Variants in FBXO40 observed in about 807,000 individuals in gnomAD.
FBXO40 encodes the protein F-box protein 40.
Under a neutral mutation model 49.9 loss-of-function variants are expected in FBXO40, and 50 were observed. The ratio of observed to expected loss-of-function variants is 1.00; its 90% CI spans 0.80 to 1.27. The LOEUF is 1.27. FBXO40 is among the 50% of genes most tolerant of loss of function. The pLI, the probability that FBXO40 is intolerant of heterozygous loss-of-function variation, is 0.00. For synonymous variants in FBXO40, 340 were observed against 320.2 expected (o/e 1.06, Z -0.66); for missense variants, 895 against 870.1 (o/e 1.03, Z -0.36).
At chr3:121,608,791 G>C (rs547589264) in intron 1 of FBXO40, among the ~76,000 whole-genome samples, 156 of 152,296 alleles carry the variant, frequency 1.0e-3, no homozygotes, top group Middle Eastern at 3.4e-3. Flanking sequence ...TGGTCGAGTT[G>C]CTTAGAAAAA....
At chr3:121,613,055 G>A (rs185429447) in intron 1 of FBXO40, among the ~76,000 whole-genome samples, 92 of 142,116 alleles carry the variant, frequency 6.5e-4, no homozygotes, top group African/African-American at 2.4e-3. Flanking sequence ...GGGCGACAGA[G>A]CAAGACTCCG....
intron 1 of FBXO40, among the ~76,000 whole-genome samples, chr3:121,618,037 T>A (rs972323556): frequency 9.9e-5 from 15 of 152,114 alleles, no homozygotes; most frequent in Admixed American, 9.2e-4. Flanking sequence ...GTTCCCAACA[T>A]AAAGAAAAGT....
At chr3:121,594,488 G>T (rs959561944) in intron 1 of FBXO40, among the ~76,000 whole-genome samples, 1 of 152,086 alleles carries the variant, frequency 6.6e-6, no homozygotes, top group African/African-American at 2.4e-5. Context: ...AGCATGAGCC[G>T]CTGTGCCTGA....
rs2108850913 is a variant in FBXO40 at position 121,621,467 on chromosome 3, G to T, written c.38G>T (p.Arg13Met). ...CGCAGATCCCCGCCAGGGCACCACA[G>T]GCATTGTGAGGGATGCTTCAACCGC... ...KARRSPPGHH[R>M]HCEGCFNRHC... The change falls in exon 3 of 4, where the codon AGG (arginine) becomes ATG (methionine). Residue 13 changes from arginine (R) to methionine (M), a missense_variant. Coordinates refer to ENST00000338040, the MANE Select transcript of FBXO40 (RefSeq NM_016298.4). 2 of 1,614,126 alleles carry T rather than the reference G, an allele frequency of 1.2e-6. No individual in the cohort carries two copies. The highest frequency in any genetic ancestry group is 2.2e-5 in the East Asian group (1 of 44,882).
intron 1 of FBXO40, among the ~76,000 whole-genome samples, chr3:121,611,245 C>T (rs867215932): frequency 2.6e-5 from 4 of 152,256 alleles, no homozygotes; most frequent in Admixed American, 6.5e-5. Context: ...ATACCAAGGA[C>T]CTGCACCGGC....
chr3:121,608,190 G>T (rs1168966914), intron 1 of FBXO40, among the ~76,000 whole-genome samples: 1 of 152,222 alleles, frequency 6.6e-6, no homozygotes, highest in Non-Finnish European at 1.5e-5. Context: ...GCTCTGCAAT[G>T]AATTACAGCC....
intron 1 of FBXO40, among the ~76,000 whole-genome samples, chr3:121,607,212 C>A (rs2048936072): frequency 6.8e-6 from 1 of 146,982 alleles, no homozygotes; most frequent in Admixed American, 6.8e-5. Flanking sequence ...TTGCAGTGAG[C>A]CGAGATTATG....
At chr3:121,598,152 C>A (rs2048882148) in intron 1 of FBXO40, among the ~76,000 whole-genome samples, 1 of 152,088 alleles carries the variant, frequency 6.6e-6, no homozygotes. Context: ...AAATACAGAA[C>A]AAGAGGAGAA....
chr3:121,595,212 TG>T (rs1422323143), intron 1 of FBXO40, among the ~76,000 whole-genome samples: 12 of 152,258 alleles, frequency 7.9e-5, no homozygotes, highest in African/African-American at 1.2e-4. Flanking sequence ...TATAGGTGTC[TG>T]GGTTATCATT....
intron 1 of FBXO40, among the ~76,000 whole-genome samples, chr3:121,607,221 T>C (rs1480667268): frequency 7.8e-5 from 11 of 140,974 alleles, no homozygotes; most frequent in Non-Finnish European, 1.5e-4. Flanking sequence ...GCCGAGATTA[T>C]GCCATTGCAC....
chr3:121,601,307 G>T (rs1001212427), intron 1 of FBXO40, among the ~76,000 whole-genome samples: 2 of 152,036 alleles, frequency 1.3e-5, no homozygotes, highest in South Asian at 4.2e-4. Flanking sequence ...CTCTGGAGTG[G>T]TCTCCACTCA....
rs745747480 is a variant in FBXO40, at chr3:121,627,121, T to A, written c.*211T>A. ...GTACCATAGTGCCACATTGATGACT[T>A]GTTTCCTTTTTTCTTTTCTTTTCTT... On this transcript the variant is annotated 3_prime_UTR_variant, in exon 4 of 4. Coordinates refer to ENST00000338040, the MANE Select transcript of FBXO40 (RefSeq NM_016298.4). 2 of 537,054 alleles carry A rather than the reference T, an allele frequency of 3.7e-6. No individual in the cohort carries two copies. Among genetic ancestry groups the A allele is most frequent in the Non-Finnish European group, 6.6e-6 (2 of 303,574 alleles). 33.3% of individuals were successfully genotyped at this position (537,054 alleles called of 1,614,324 possible). A position where few individuals can be genotyped will look rare whatever the true frequency, so the allele number is the denominator to read the frequency against.
At chr3:121,623,478 A>T (rs1227894011) in intron 3 of FBXO40, 135 bp downstream of exon 3, 1 of 696,392 alleles carries the variant, frequency 1.4e-6, no homozygotes, top group Admixed American at 2.9e-5. Flanking sequence ...GGCTCAAGTG[A>T]TCCTCTTGCC....
At chr3:121,619,947 G>A (rs974801218) in intron 1 of FBXO40, among the ~76,000 whole-genome samples, 11 of 152,332 alleles carry the variant, frequency 7.2e-5, no homozygotes, top group Admixed American at 3.3e-4. Context: ...CCTGAAGACA[G>A]GGCATTTTCT....
At position 121,623,332 on chromosome 3, in the gene FBXO40, G is replaced by T. The variant is rs2049044940; in HGVS notation, c.1903G>T (p.Val635Phe). 1 of 1,612,524 alleles carries T rather than the reference G, an allele frequency of 6.2e-7. No homozygotes were observed. Among genetic ancestry groups the T allele is most frequent in the Non-Finnish European group, 8.5e-7 (1 of 1,179,130 alleles). The change falls in exon 3 of 4, where the codon GTC (valine) becomes TTC (phenylalanine). Residue 635 changes from valine (V) to phenylalanine (F), a missense_variant. By Grantham distance (50) the Val-to-Phe change is conservative. Coordinates refer to ENST00000338040, the MANE Select transcript of FBXO40 (RefSeq NM_016298.4). ...TTCCCATGGAGGCACCTCCTGGAGA[G>T]TCCACAGAGAGGTAAGTAAACACTC... Reference protein sequence around the residue: ...RYSHGGTSWRVHREIWQFSSL... With the variant: ...RYSHGGTSWRFHREIWQFSSL...
In FBXO40 at chr3:121,622,667, T is replaced by C; in HGVS notation, c.1238T>C (p.Ile413Thr). 6.2e-7 allele frequency: 1 copy of C among 1,614,186 alleles called. No homozygotes were observed. The highest frequency in any genetic ancestry group is 8.5e-7 in the Non-Finnish European group (1 of 1,180,038). ...GAAAGAGAACTCAAAGGCCACGTCA[T>C]CTCTGAATCCAGAAGCATTGATGGA... ...ALERELKGHV[I>T]SESRSIDGLF... Residue 413 changes from isoleucine (I) to threonine (T), a missense_variant, in exon 3 of 4, where the codon ATC becomes ACC. Ile to Thr is a moderately conservative substitution (Grantham distance 89, BLOSUM62 -1). Coordinates refer to ENST00000338040, the MANE Select transcript of FBXO40 (RefSeq NM_016298.4).
At position 121,626,820 on chromosome 3, in the gene FBXO40, T is replaced by G. The variant is rs373547551; in HGVS notation, c.2040T>G (p.Leu680=). The change falls in exon 4 of 4, where the codon CTT becomes CTG. Residue 680 remains leucine (L), a synonymous_variant. Coordinates refer to ENST00000338040, the MANE Select transcript of FBXO40 (RefSeq NM_016298.4). The part of the protein sequence containing the change: ...NIVEHKTDPI[L]LTSMCQPREQ... ...TAGAGCACAAAACTGACCCGATTCT[T>G]TTGACTAGCATGTGTCAGCCCCGTG... 1.7e-5 allele frequency: 28 copies of G among 1,614,084 alleles called. No homozygotes were observed. In the East Asian group the frequency reaches 2.5e-4, roughly 14 times the overall value.
At chr3:121,606,353 T>G (rs1195847045) in intron 1 of FBXO40, among the ~76,000 whole-genome samples, 1 of 152,224 alleles carries the variant, frequency 6.6e-6, no homozygotes, top group African/African-American at 2.4e-5. Flanking sequence ...GAAACAGGTT[T>G]AATTCAAGAC....
chr3:121,611,551 T>C (rs2048965633), intron 1 of FBXO40, among the ~76,000 whole-genome samples: 1 of 152,204 alleles, frequency 6.6e-6, no homozygotes, highest in South Asian at 2.1e-4. Flanking sequence ...GATCTCAGAA[T>C]TGAACAAATA....
Sources: gnomAD v4.1 joint callset for allele counts (sites outside exome capture counted in the v4.1 genomes callset) on GRCh38, gnomAD v4.1.1 for gene constraint, MANE v1.5 for transcripts, NCBI Gene and HGNC (gene_info 2026-07-23, HGNC 2026-07-21) for gene names.